Variants in SMIM14 observed in about 807,000 individuals in gnomAD.
SMIM14 encodes chromosome 4 open reading frame 34.
A neutral mutation model predicts 12.6 loss-of-function variants in SMIM14; 5 were observed. That is an observed-to-expected ratio of 0.40 (90% CI 0.21 to 0.83). The LOEUF (loss-of-function observed/expected upper bound fraction) is 0.83, where lower values mean the gene tolerates loss of function less well. SMIM14 is among the 40% of genes least tolerant of loss of function. SMIM14 has a pLI of 0.37. For missense variants in SMIM14, 86 were observed against 119.1 expected, an observed-to-expected ratio of 0.72 and a Z score of 1.29; for synonymous variants, 30 against 40.1, an observed-to-expected ratio of 0.75 and a Z score of 0.95.
At chr4:39,620,217 C>T (rs1022891279) in intron 1 of SMIM14, among the ~76,000 whole-genome samples, 3 of 150,746 alleles carry the variant, frequency 2.0e-5, no homozygotes, top group African/African-American at 4.9e-5. Context: ...CTGTGGCTCA[C>T]GCCTGTAATC....
intron 1 of SMIM14, among the ~76,000 whole-genome samples, chr4:39,634,456 C>T (rs1037503506): frequency 6.6e-6 from 1 of 152,232 alleles, no homozygotes; most frequent in Non-Finnish European, 1.5e-5. Context: ...GTTTCTGCCA[C>T]TTACTGTGTC....
chr4:39,605,012 A>G (rs948581888), intron 2 of SMIM14, 59 bp downstream of exon 2: 24 of 1,044,992 alleles, frequency 2.3e-5, no homozygotes, highest in Non-Finnish European at 3.2e-5. Flanking sequence ...TATTTTCATG[A>G]AAAGAGGATA....
intron 2 of SMIM14, among the ~76,000 whole-genome samples, chr4:39,573,558 T>A (rs905783477): frequency 3.3e-5 from 5 of 152,148 alleles, no homozygotes; most frequent in Admixed American, 6.6e-5. Flanking sequence ...TAAATAATTT[T>A]AAAAAAATCA....
At chr4:39,629,276 G>A (rs1483916730) in intron 1 of SMIM14, among the ~76,000 whole-genome samples, 5 of 146,816 alleles carry the variant, frequency 3.4e-5, no homozygotes, top group Non-Finnish European at 7.4e-5. Flanking sequence ...CAGGAGAATC[G>A]CTTGAACCCA....
Position 39,547,136 on chromosome 4 carries a change from T to TA in SMIM14, c.*4989dup. The TA allele has an allele frequency of 6.6e-6, 1 of 152,234 alleles. No homozygotes were observed. Among genetic ancestry groups the TA allele is most frequent in the Admixed American group, 6.5e-5 (1 of 15,290 alleles). The allele number at this position is 152,234 out of a possible 1,614,324, so 9.4% of individuals were successfully genotyped here. On this transcript the variant is annotated 3_prime_UTR_variant, in exon 5 of 5. Coordinates refer to ENST00000295958, the MANE Select transcript of SMIM14 (RefSeq NM_174921.3). Reference sequence around the variant, plus strand: ...AATACTGGCCCCATACTGCATATTTTATGAATATTTTTCTCACAACTTTTC... The same window carrying TA: ...AATACTGGCCCCATACTGCATATTTTAATGAATATTTTTCTCACAACTTTTC...
intron 1 of SMIM14, among the ~76,000 whole-genome samples, chr4:39,619,737 TC>T (rs1319205871): frequency 2.0e-5 from 2 of 98,378 alleles, no homozygotes; most frequent in African/African-American, 3.8e-5. Flanking sequence ...ATTATATATA[TC>T]AATAAATATA....
At position 39,598,530 on chromosome 4, in the gene SMIM14, C is replaced by T. The variant is rs190036226; in HGVS notation, c.75+6541G>A. 6.6e-5 allele frequency among the ~76,000 whole-genome samples: 10 copies of T among 152,166 alleles called. No individual in the cohort carries two copies. In the East Asian group the frequency reaches 1.9e-3, roughly 29 times the overall value. ...TATAGAGTATGAAGATCTGCTTCTC[C>T]TCCCTGACCCCGTGTATACTCTTTC... On this transcript the variant is annotated intron_variant, in intron 2 of 4. Transcript: ENST00000295958.
chr4:39,577,387 A>G (rs1713259200), intron 2 of SMIM14, among the ~76,000 whole-genome samples: 1 of 151,472 alleles, frequency 6.6e-6, no homozygotes, highest in Non-Finnish European at 1.5e-5. Context: ...AGAAAAGAAT[A>G]CAGTTTTTAG....
At chr4:39,593,098 C>G (rs1191991736) in intron 2 of SMIM14, 3 of 151,290 alleles carry the variant, frequency 2.0e-5, no homozygotes, top group East Asian at 1.9e-4. Context: ...GAGACACAAC[C>G]AAAAAAGAGA....
chr4:39,620,615 G>A lies in SMIM14; in HGVS notation c.-35-15435C>T, dbSNP rs1035162925. On this transcript the variant is annotated intron_variant, in intron 1 of 4. Transcript: ENST00000295958. The stretch of plus-strand genomic sequence containing the variant: ...CTCCCAAAGTGCTGGGATTATAGGC[G>A]TGAGCCATTGTGCCCAGGCTGGAAT... Among the ~76,000 whole-genome samples, 5 of 152,190 alleles carry A rather than the reference G, an allele frequency of 3.3e-5. No individual in the cohort carries two copies. In the South Asian group the frequency reaches 6.2e-4, roughly 19 times the overall value.
chr4:39,561,829 G>T (rs1427093111), intron 3 of SMIM14, among the ~76,000 whole-genome samples: 1 of 151,990 alleles, frequency 6.6e-6, no homozygotes, highest in Non-Finnish European at 1.5e-5. Context: ...CAGCTACTTG[G>T]GGGGTTGTAG....
Position 39,550,800 on chromosome 4 carries a change from A to G in SMIM14, c.*1326T>C, listed in dbSNP as rs541865022. The G allele has an allele frequency of 6.2e-4, 94 of 152,338 alleles. No individual in the cohort carries two copies. The highest frequency in any genetic ancestry group is 2.2e-3 in the African/African-American group (92 of 41,584). The allele number at this position is 152,338 out of a possible 1,614,324, so 9.4% of individuals were successfully genotyped here. ...TTCCCTTGAAGTAAACCAGTAATTT[A>G]TTAAAATATTTTATAGGTCAGAGGA... is the stretch of plus-strand genomic sequence containing the variant. On this transcript the variant is annotated 3_prime_UTR_variant, in exon 5 of 5. Transcript: ENST00000295958.
At chr4:39,631,643 A>G (rs1715904491) in intron 1 of SMIM14, among the ~76,000 whole-genome samples, 1 of 149,514 alleles carries the variant, frequency 6.7e-6, no homozygotes, top group Non-Finnish European at 1.5e-5. Context: ...TGGGCCACAG[A>G]GCGAGACTCC....
chr4:39,558,555 C>T lies in SMIM14; in HGVS notation c.125-1985G>A, dbSNP rs1271357210. ...GGGCTCCGTGGGAACTTGCATAGGGCGGAGTGGGCTTACCTAAAAAAACCC... is the reference window on the plus strand; with the variant it reads ...GGGCTCCGTGGGAACTTGCATAGGGTGGAGTGGGCTTACCTAAAAAAACCC... On this transcript the variant is annotated intron_variant, in intron 3 of 4. Transcript: ENST00000295958. The surrounding 1 kb of genome is among the most constrained non-coding windows in gnomAD (Gnocchi z 4.3). Among the ~76,000 whole-genome samples the T allele has an allele frequency of 6.6e-6, 1 of 152,036 alleles. No homozygotes were observed. Among genetic ancestry groups the T allele is most frequent in the African/African-American group, 2.4e-5 (1 of 41,400 alleles).
chr4:39,634,511 G>A (rs1716022153), intron 1 of SMIM14, among the ~76,000 whole-genome samples: 1 of 152,144 alleles, frequency 6.6e-6, no homozygotes, highest in African/African-American at 2.4e-5. Context: ...GAGTTGCTTT[G>A]CAGTTAAATG....
At chr4:39,557,911 C>T (rs1274536180) in intron 3 of SMIM14, among the ~76,000 whole-genome samples, 2 of 152,120 alleles carry the variant, frequency 1.3e-5, no homozygotes, top group Non-Finnish European at 2.9e-5. Flanking sequence ...ATTTGACCTT[C>T]TTTTTCACAC....
chr4:39,613,688 GAAAGT>G (rs1715113813), intron 1 of SMIM14, among the ~76,000 whole-genome samples: 1 of 152,180 alleles, frequency 6.6e-6, no homozygotes, highest in African/African-American at 2.4e-5. Flanking sequence ...GTCTTTGATA[GAAAGT>G]AATTTAAAAC....
chr4:39,565,486 G>A (rs1712525823), intron 3 of SMIM14, among the ~76,000 whole-genome samples: 1 of 152,040 alleles, frequency 6.6e-6, no homozygotes, highest in South Asian at 2.1e-4. Flanking sequence ...ACCACGCCTA[G>A]CTAAGTTTTA....
At chr4:39,586,454 TGTCCAGTAAC>T (rs1392742754) in intron 2 of SMIM14, among the ~76,000 whole-genome samples, 2 of 152,096 alleles carry the variant, frequency 1.3e-5, no homozygotes, top group African/African-American at 4.8e-5. Context: ...TTTTCTCCAT[TGTCCAGTAAC>T]GTTCTTCATT....
Sources: gnomAD v4.1 joint callset for allele counts (sites outside exome capture counted in the v4.1 genomes callset) on GRCh38, gnomAD v4.1.1 for gene constraint, Gnocchi (gnomAD v3.1) non-coding constraint, MANE v1.5 for transcripts, NCBI Gene and HGNC (gene_info 2026-07-23, HGNC 2026-07-21) for gene names.